NKAIN2: variants seen among roughly 807,000 people sequenced by gnomAD.
The protein encoded by NKAIN2 is sodium/potassium-transporting ATPase subunit beta-1-interacting protein 2.
In NKAIN2, 14 loss-of-function variants were observed where a neutral mutation model predicts 32.6. The observed-to-expected ratio is 0.43, with a 90% CI of 0.28 to 0.67. NKAIN2 has a LOEUF of 0.67. Among genes scored for constraint, NKAIN2 ranks in the 30% least tolerant of loss-of-function variants. The pLI is 0.17. For synonymous variants in NKAIN2, 80 were observed against 87.2 expected (o/e 0.92, Z 0.46); for missense variants, 198 against 258.3 (o/e 0.77, Z 1.60).
At chr6:123,855,324 C>T (rs1309846668) in intron 1 of NKAIN2, among the ~76,000 whole-genome samples, 1 of 152,134 alleles carries the variant, frequency 6.6e-6, no homozygotes, top group African/African-American at 2.4e-5. Context: ...TGTTTTAAGT[C>T]TGACATTTAG....
chr6:124,245,935 A>C (rs565610055), intron 1 of NKAIN2, among the ~76,000 whole-genome samples: 1 of 152,136 alleles, frequency 6.6e-6, no homozygotes, highest in African/African-American at 2.4e-5. Flanking sequence ...AATGTTAACT[A>C]TTGATAAAAT....
chr6:124,378,991 C>T (rs564627188), intron 3 of NKAIN2, among the ~76,000 whole-genome samples: 2 of 149,016 alleles, frequency 1.3e-5, no homozygotes, highest in Admixed American at 1.4e-4. Flanking sequence ...ACTTATGAGG[C>T]TGCTGTGGGA....
chr6:123,824,867 A>G (rs1179712918), intron 1 of NKAIN2, among the ~76,000 whole-genome samples: 1 of 152,080 alleles, frequency 6.6e-6, no homozygotes, highest in African/African-American at 2.4e-5. Context: ...TACCTGATGG[A>G]AAGGTTGGGT....
chr6:124,547,658 A>G (rs1780144043), intron 3 of NKAIN2, among the ~76,000 whole-genome samples: 1 of 152,170 alleles, frequency 6.6e-6, no homozygotes, highest in South Asian at 2.1e-4. Context: ...GTTTTATACT[A>G]TTTCTTCATC....
intron 1 of NKAIN2, among the ~76,000 whole-genome samples, chr6:124,158,164 TTC>T (rs1314523021): frequency 6.6e-5 from 10 of 152,194 alleles, no homozygotes; most frequent in Non-Finnish European, 1.2e-4. Flanking sequence ...GGCAGTTTTC[TTC>T]TGAGGCCTCT....
At chr6:123,867,167 G>C (rs1008230964) in intron 1 of NKAIN2, among the ~76,000 whole-genome samples, 5 of 152,024 alleles carry the variant, frequency 3.3e-5, no homozygotes, top group Admixed American at 2.6e-4. Flanking sequence ...TTGACATTAG[G>C]TATCTCTCAT....
chr6:124,329,594 C>T (rs1348440054), intron 2 of NKAIN2, among the ~76,000 whole-genome samples: 1 of 152,018 alleles, frequency 6.6e-6, no homozygotes, highest in Non-Finnish European at 1.5e-5. Flanking sequence ...CTGCTCCACC[C>T]CTGGATCCAC....
rs540943400 is a variant in NKAIN2, at chr6:124,175,387, A to G, written c.55-107618A>G. ...TGAAGTCAATATTAAGATAGTTAGG[A>G]TAATATTTCAGAAAAGATTTGCCTG... On this transcript the variant is annotated intron_variant, in intron 1 of 6. Transcript: ENST00000368417. 1.8e-4 allele frequency among the ~76,000 whole-genome samples: 27 copies of G among 152,350 alleles called. No individual in the cohort carries two copies. In the East Asian group the frequency reaches 5.2e-3, roughly 29 times the overall value.
intron 1 of NKAIN2, among the ~76,000 whole-genome samples, chr6:124,195,391 A>G (rs1446914285): frequency 1.3e-5 from 2 of 152,154 alleles, no homozygotes; most frequent in African/African-American, 4.8e-5. Context: ...ACAATAGGAA[A>G]CAAATTCAAT....
At chr6:124,039,439 CTT>C (rs542985092) in intron 1 of NKAIN2, among the ~76,000 whole-genome samples, 87 of 151,796 alleles carry the variant, frequency 5.7e-4, no homozygotes, top group Admixed American at 2.0e-3. Context: ...ATATTTATAA[CTT>C]TGAATTTTGT....
chr6:124,791,253 C>A, intron 4 of NKAIN2, 86 bp from the exon 5 acceptor site: 1 of 947,788 alleles, frequency 1.1e-6, no homozygotes. Context: ...TGGTTGTAAA[C>A]TGCCTGACTT....
chr6:124,100,603 G>T (rs11154205), intron 1 of NKAIN2, among the ~76,000 whole-genome samples: 4 of 152,070 alleles, frequency 2.6e-5, no homozygotes, highest in Admixed American at 1.3e-4. Flanking sequence ...TAATGTAAGA[G>T]GTTTTCTATC....
chr6:124,753,487 T>G (rs1777821880), intron 4 of NKAIN2, among the ~76,000 whole-genome samples: 1 of 152,154 alleles, frequency 6.6e-6, no homozygotes, highest in Non-Finnish European at 1.5e-5. Flanking sequence ...ATACTCATAT[T>G]ACCAGTTCAC....
At chr6:124,740,762 C>T (rs192249377) in intron 4 of NKAIN2, among the ~76,000 whole-genome samples, 4 of 151,698 alleles carry the variant, frequency 2.6e-5, no homozygotes, top group Admixed American at 1.3e-4. Flanking sequence ...AGAAGGAGCA[C>T]AGTAGAGAAC....
At chr6:123,989,087 T>A (rs2114683881) in intron 1 of NKAIN2, among the ~76,000 whole-genome samples, 1 of 152,274 alleles carries the variant, frequency 6.6e-6, no homozygotes, top group South Asian at 2.1e-4. Context: ...TGTAGTGGAT[T>A]TTAAACTGGA....
chr6:124,538,851 G>C (rs1000021921), intron 3 of NKAIN2, among the ~76,000 whole-genome samples: 1 of 151,974 alleles, frequency 6.6e-6, no homozygotes, highest in Non-Finnish European at 1.5e-5. Context: ...TTTATTTAAT[G>C]ATTGTATTTT....
chr6:124,644,052 A>G (rs562489606), intron 3 of NKAIN2, among the ~76,000 whole-genome samples: 6 of 152,334 alleles, frequency 3.9e-5, no homozygotes, highest in South Asian at 2.1e-4. Flanking sequence ...TTGTTGAGCA[A>G]TTAGGCTTCT....
intron 2 of NKAIN2, among the ~76,000 whole-genome samples, chr6:124,301,109 G>A (rs1181563260): frequency 6.6e-6 from 1 of 152,068 alleles, no homozygotes; most frequent in Non-Finnish European, 1.5e-5. Flanking sequence ...GCCCAGTCCA[G>A]GGCCCCTCTC....
intron 2 of NKAIN2, among the ~76,000 whole-genome samples, chr6:124,352,437 G>A (rs192019643): frequency 5.3e-5 from 8 of 152,266 alleles, no homozygotes; most frequent in South Asian, 2.1e-4. Flanking sequence ...AACATGGTTA[G>A]CATTTAATAA....
Sources: allele counts gnomAD v4.1 joint callset (sites outside exome capture counted in the v4.1 genomes callset), GRCh38; gene constraint gnomAD v4.1.1; transcripts MANE v1.5; gene names NCBI Gene and HGNC (gene_info 2026-07-23, HGNC 2026-07-21).